RUVBL1: variants seen among roughly 807,000 people sequenced by gnomAD.
The protein encoded by RUVBL1 is RuvB like AAA ATPase 1.
RUVBL1 carries 4 observed loss-of-function variants against 52.4 expected under a neutral mutation model. The ratio of observed to expected loss-of-function variants is 0.08; its 90% CI spans 0.04 to 0.17. The LOEUF (loss-of-function observed/expected upper bound fraction) is 0.17, where lower values mean the gene tolerates loss of function less well. Among genes scored for constraint, RUVBL1 ranks in the 10% least tolerant of loss-of-function variants. The pLI, the probability that RUVBL1 is intolerant of heterozygous loss-of-function variation, is 1.00. For missense variants in RUVBL1, 298 were observed against 572.8 expected, an observed-to-expected ratio of 0.52 and a Z score of 4.90; for synonymous variants, 217 against 214.4, an observed-to-expected ratio of 1.01 and a Z score of -0.10.
intron 1 of RUVBL1, among the ~76,000 whole-genome samples, chr3:128,141,488 T>G (rs1944020088): frequency 1.3e-5 from 2 of 151,152 alleles, no homozygotes; most frequent in African/African-American, 4.9e-5. Context: ...GGACTTTTTT[T>G]CTTTTCTTTT....
intron 8 of RUVBL1, among the ~76,000 whole-genome samples, chr3:128,092,037 G>C (rs1942854635): frequency 6.6e-6 from 1 of 152,196 alleles, no homozygotes; most frequent in Non-Finnish European, 1.5e-5. Context: ...TGGACACACA[G>C]TAAGAGTGCT....
At chr3:128,071,933 C>T (rs2241687) in intron 9 of RUVBL1, among the ~76,000 whole-genome samples, 17,095 of 152,248 alleles carry the variant, frequency 0.11, 2,405 homozygotes, top group East Asian at 0.35. Flanking sequence ...CTGGCTGTCC[C>T]GTGAGAATGC....
chr3:128,150,468 T>C (rs1179861270), intron 1 of RUVBL1, among the ~76,000 whole-genome samples: 1 of 148,778 alleles, frequency 6.7e-6, no homozygotes, highest in Non-Finnish European at 1.5e-5. Context: ...TCCATATATG[T>C]GTATATATAT....
chr3:128,104,003 C>T (rs1419596426), intron 4 of RUVBL1, among the ~76,000 whole-genome samples: 1 of 152,174 alleles, frequency 6.6e-6, no homozygotes, highest in Non-Finnish European at 1.5e-5. Context: ...AGGTGCCACA[C>T]CCAAAGCCAT....
chr3:128,101,401 C>T (rs1482002163), intron 5 of RUVBL1, among the ~76,000 whole-genome samples, 158 bp downstream of exon 5: 4 of 152,132 alleles, frequency 2.6e-5, no homozygotes, highest in African/African-American at 9.7e-5. Context: ...CTTTATTATA[C>T]ATAAAGGGCC....
At position 128,081,007 on chromosome 3, in the gene RUVBL1, AGAG is replaced by A. The variant is rs1942457680; in HGVS notation, c.*240_*242del. The A allele has an allele frequency of 2.2e-6, 1 of 450,826 alleles. No homozygotes were observed. Among genetic ancestry groups the A allele is most frequent in the African/African-American group, 1.9e-5 (1 of 51,400 alleles). The allele number at this position is 450,826 out of a possible 1,614,324, so 27.9% of individuals were successfully genotyped here. On this transcript the variant is annotated 3_prime_UTR_variant, in exon 11 of 11. Coordinates refer to ENST00000322623, the MANE Select transcript of RUVBL1 (RefSeq NM_003707.3). The surrounding 1 kb of genome is among the most constrained non-coding windows in gnomAD (Gnocchi z 4.8). ...TTAAAAAACTTAGAGAGAGAGAGAGAGAGAATCAAAATAACCTATGAAGATTTA... is the reference window on the plus strand; with the variant it reads ...TTAAAAAACTTAGAGAGAGAGAGAGAAATCAAAATAACCTATGAAGATTTA...
At chr3:128,128,714 G>A (rs932813271), upstream of RUVBL1, among the ~76,000 whole-genome samples, 1 of 152,172 alleles carries the variant, frequency 6.6e-6, no homozygotes, top group African/African-American at 2.4e-5. Flanking sequence ...ATGGATATGT[G>A]CCCAGTTAAA....
chr3:128,111,899 G>A lies in RUVBL1; in HGVS notation c.361+989C>T, dbSNP rs142507482. On this transcript the variant is annotated intron_variant, in intron 3 of 10. Coordinates refer to ENST00000322623, the MANE Select transcript of RUVBL1 (RefSeq NM_003707.3). ...ACTCTGACTAGTGTTCATAACCCAC[G>A]ACTCAGCAGGCAAATCCTAGAAACA... is the stretch of plus-strand genomic sequence containing the variant. Among the ~76,000 whole-genome samples, 310 of 152,250 alleles carry A rather than the reference G, an allele frequency of 2.0e-3. 2 individuals carry two copies. The highest frequency in any genetic ancestry group is 6.7e-3 in the African/African-American group (280 of 41,530).
chr3:128,074,939 A>G (rs1942268453), intron 9 of RUVBL1: 1 of 151,440 alleles, frequency 6.6e-6, no homozygotes, highest in South Asian at 2.1e-4. Context: ...AGGTTGTTGT[A>G]TCTGCAACTC....
chr3:128,071,306 G>C (rs937706406), intron 9 of RUVBL1: 2 of 152,484 alleles, frequency 1.3e-5, no homozygotes, highest in African/African-American at 4.8e-5. Context: ...GAGCAGGGGA[G>C]AGGCTCTTGA....
chr3:128,125,126 T>C (rs540638490), upstream of RUVBL1, among the ~76,000 whole-genome samples: 17 of 144,794 alleles, frequency 1.2e-4, no homozygotes, highest in Middle Eastern at 0.014. Flanking sequence ...GCCATTCTCC[T>C]GCCTCAGCCT....
At chr3:128,086,603 G>T (rs1487803434) in intron 9 of RUVBL1, among the ~76,000 whole-genome samples, 1 of 152,236 alleles carries the variant, frequency 6.6e-6, no homozygotes, top group Admixed American at 6.5e-5. Context: ...CCAATTCAGG[G>T]TATGTACCAC....
In RUVBL1 at chr3:128,081,325, C is replaced by G. The variant is rs1942468275; in HGVS notation, c.1296G>C (p.Glu432Asp). The stretch of plus-strand genomic sequence containing the variant: ...TGGCATCATAGAAAAGTTCACTGAT[C>G]TCTTCGACATGCTCTTTCTCAATGC... ...KDSIEKEHVEEISELFYDAKS... is the reference protein window; with the variant it reads ...KDSIEKEHVEDISELFYDAKS... Residue 432 changes from glutamate (E) to aspartate (D), a missense_variant, in exon 11 of 11, where the codon GAG becomes GAC. Coordinates refer to ENST00000322623, the MANE Select transcript of RUVBL1 (RefSeq NM_003707.3). This position sits in a 1 kb window ranked among gnomAD's most constrained non-coding sequence, Gnocchi z 4.8. The G allele has an allele frequency of 6.2e-7, 1 of 1,614,254 alleles. No individual in the cohort carries two copies. The highest frequency in any genetic ancestry group is 8.5e-7 in the Non-Finnish European group (1 of 1,180,050).
rs1559805413 is a variant in RUVBL1 at position 128,081,299 on chromosome 3, T to C, written c.1322A>G (p.Lys441Arg). 1 of 1,614,236 alleles carries C rather than the reference T, an allele frequency of 6.2e-7. No homozygotes were observed. The highest frequency in any genetic ancestry group is 8.5e-7 in the Non-Finnish European group (1 of 1,180,028). ...GTCAGCCAGGATTTTGGCGGAGGAC[T>C]TGGCATCATAGAAAAGTTCACTGAT... ...EEISELFYDA[K>R]SSAKILADQQ... Residue 441 changes from lysine (K) to arginine (R), a missense_variant, in exon 11 of 11, where the codon AAG (lysine) becomes AGG (arginine). Coordinates refer to ENST00000322623, the MANE Select transcript of RUVBL1 (RefSeq NM_003707.3). This position sits in a 1 kb window ranked among gnomAD's most constrained non-coding sequence, Gnocchi z 4.8.
At chr3:128,065,330 G>A (rs1010526645) in intron 9 of RUVBL1, 5 of 587,700 alleles carry the variant, frequency 8.5e-6, no homozygotes, top group Middle Eastern at 3.0e-4. Context: ...TAGTTCAAGA[G>A]AAGCAAAAAG....
At chr3:128,144,071 G>A (rs980190963) in intron 1 of RUVBL1, among the ~76,000 whole-genome samples, 21 of 152,278 alleles carry the variant, frequency 1.4e-4, no homozygotes, top group African/African-American at 4.8e-4. Flanking sequence ...GCTAAATGTG[G>A]CATTGGCAGA....
chr3:128,129,531 G>A (rs1943844890), intron 1 of RUVBL1, among the ~76,000 whole-genome samples: 1 of 146,636 alleles, frequency 6.8e-6, no homozygotes, highest in Admixed American at 6.8e-5. Flanking sequence ...AACAACAAAA[G>A]AACAAGCTAA....
At chr3:128,117,263 T>C (rs1053001931) in intron 2 of RUVBL1, among the ~76,000 whole-genome samples, 1 of 152,098 alleles carries the variant, frequency 6.6e-6, no homozygotes, top group Non-Finnish European at 1.5e-5. Flanking sequence ...ATAACAAATA[T>C]GAGAGGCTAA....
rs1422747239 is a variant in RUVBL1, at chr3:128,098,868, A to G, written c.817+14T>C. 1.2e-6 allele frequency: 2 copies of G among 1,613,604 alleles called. No homozygotes were observed. Among genetic ancestry groups the G allele is most frequent in the Admixed American group, 3.3e-5 (2 of 60,020 alleles). ...GCCCTGCCCCTTGCTCACAGGGCAC[A>G]CTGGTTCTCCTACCTGTGATTTCTG... On this transcript the variant is annotated intron_variant, in intron 7 of 10. Coordinates refer to ENST00000322623, the MANE Select transcript of RUVBL1 (RefSeq NM_003707.3).
Sources: gnomAD v4.1 joint callset for allele counts (sites outside exome capture counted in the v4.1 genomes callset) on GRCh38, gnomAD v4.1.1 for gene constraint, Gnocchi (gnomAD v3.1) non-coding constraint, MANE v1.5 for transcripts, NCBI Gene and HGNC (gene_info 2026-07-23, HGNC 2026-07-21) for gene names.